The following RAD51B variants were observed in gnomAD, a reference collection of about 807,000 sequenced individuals.
RAD51B encodes the protein RAD51 paralog B, also known as DNA repair protein RAD51 homolog 2.
In RAD51B, 38 loss-of-function variants were observed where a neutral mutation model predicts 42.2. That is an observed-to-expected ratio of 0.90 (90% CI 0.70 to 1.18). The LOEUF (loss-of-function observed/expected upper bound fraction) is 1.18, where lower values mean the gene tolerates loss of function less well. Among genes scored for constraint, RAD51B ranks in the 50% most tolerant of loss-of-function variants. RAD51B has a pLI of 0.00. For missense variants in RAD51B, 373 were observed against 400.7 expected, an observed-to-expected ratio of 0.93 and a Z score of 0.59; for synonymous variants, 154 against 145.2, an observed-to-expected ratio of 1.06 and a Z score of -0.43.
chr14:67,882,247 A>G (rs1000911615), intron 5 of RAD51B, among the ~76,000 whole-genome samples: 2 of 152,168 alleles, frequency 1.3e-5, no homozygotes, highest in South Asian at 2.1e-4. Context: ...TGTTGGGATT[A>G]TAGGCATGAG....
chr14:68,592,113 G>C (rs2257000), intron 10 of RAD51B, among the ~76,000 whole-genome samples: 1 of 152,018 alleles, frequency 6.6e-6, no homozygotes, highest in African/African-American at 2.4e-5. Flanking sequence ...AGTATTAGGA[G>C]GGGGGGAATT....
chr14:68,124,229 G>A (rs543982163), intron 7 of RAD51B, among the ~76,000 whole-genome samples: 5 of 152,180 alleles, frequency 3.3e-5, no homozygotes, highest in Admixed American at 6.5e-5. Context: ...CCAACAGTGT[G>A]GGTTCAGCCT....
At chr14:68,087,443 A>T (rs1275866808) in intron 7 of RAD51B, among the ~76,000 whole-genome samples, 1 of 152,146 alleles carries the variant, frequency 6.6e-6, no homozygotes, top group Non-Finnish European at 1.5e-5. Flanking sequence ...ATCATGATTG[A>T]CTGGTCTATA....
At chr14:68,231,071 A>G (rs1315984) in intron 7 of RAD51B, among the ~76,000 whole-genome samples, 30,386 of 152,074 alleles carry the variant, frequency 0.2, 3,499 homozygotes, top group Middle Eastern at 0.37. Context: ...GGATATTTCT[A>G]CTTCTATCCG....
chr14:68,682,391 G>A (rs1032121111), intron 11 of RAD51B, among the ~76,000 whole-genome samples: 3 of 152,196 alleles, frequency 2.0e-5, no homozygotes, highest in Non-Finnish European at 2.9e-5. Context: ...CCAAGCTCGA[G>A]AGAGTCTCTC....
At chr14:67,890,174 A>T (rs2043175145) in intron 7 of RAD51B, among the ~76,000 whole-genome samples, 1 of 152,226 alleles carries the variant, frequency 6.6e-6, no homozygotes, top group Non-Finnish European at 1.5e-5. Flanking sequence ...CGTACAGAAT[A>T]GTTATTATAC....
chr14:68,356,375 C>T (rs1452992591), intron 8 of RAD51B, among the ~76,000 whole-genome samples: 1 of 142,000 alleles, frequency 7.0e-6, no homozygotes, highest in Non-Finnish European at 1.5e-5. Context: ...GCGGAGCTTG[C>T]AGTGAGCCGA....
intron 11 of RAD51B, among the ~76,000 whole-genome samples, chr14:68,651,827 G>A (rs1595047499): frequency 6.6e-6 from 1 of 152,262 alleles, no homozygotes; most frequent in South Asian, 2.1e-4. Context: ...TGCTGCTCAC[G>A]TAAGCCCTGA....
intron 3 of RAD51B, among the ~76,000 whole-genome samples, chr14:67,829,045 A>C (rs562069352): frequency 7.9e-5 from 12 of 152,164 alleles, no homozygotes; most frequent in Non-Finnish European, 8.8e-5. Flanking sequence ...TTTAATGGGA[A>C]TAGCATTGAA....
chr14:68,091,923 C>T (rs2077106445), intron 7 of RAD51B, among the ~76,000 whole-genome samples: 3 of 152,142 alleles, frequency 2.0e-5, no homozygotes, highest in Admixed American at 1.3e-4. Flanking sequence ...ATATAGCTAG[C>T]CAGTTTTCCC....
At chr14:67,974,454 C>T (rs1237388910) in intron 7 of RAD51B, among the ~76,000 whole-genome samples, 9 of 151,946 alleles carry the variant, frequency 5.9e-5, no homozygotes, top group Non-Finnish European at 2.9e-5. Flanking sequence ...ACTAAAGGTT[C>T]CTACTTTGGA....
intron 10 of RAD51B, among the ~76,000 whole-genome samples, chr14:68,515,006 C>T (rs766904660): frequency 2.0e-5 from 3 of 152,114 alleles, no homozygotes; most frequent in Non-Finnish European, 4.4e-5. Flanking sequence ...TGACCTAGCC[C>T]AGAAAACCTC....
chr14:67,880,310 A>G (rs1441137399), intron 5 of RAD51B, among the ~76,000 whole-genome samples: 2 of 152,214 alleles, frequency 1.3e-5, no homozygotes, highest in Non-Finnish European at 2.9e-5. Flanking sequence ...ACGTCTACCA[A>G]ATACTTAAGT....
intron 7 of RAD51B, among the ~76,000 whole-genome samples, chr14:68,163,315 A>G (rs531846316): frequency 1.2e-4 from 18 of 152,384 alleles, no homozygotes; most frequent in South Asian, 6.2e-4. Context: ...TGTATGCAGC[A>G]TGGAATTACA....
At chr14:68,363,499 G>T (rs2083073619) in intron 8 of RAD51B, among the ~76,000 whole-genome samples, 1 of 152,190 alleles carries the variant, frequency 6.6e-6, no homozygotes, top group East Asian at 1.9e-4. Context: ...CTCATCTCCA[G>T]GTGTGCAGGC....
chr14:68,058,902 C>T (rs2076522875), intron 7 of RAD51B, among the ~76,000 whole-genome samples: 1 of 152,108 alleles, frequency 6.6e-6, no homozygotes, highest in African/African-American at 2.4e-5. Flanking sequence ...CCAACACCTG[C>T]CAATTGAAGA....
At chr14:67,848,728 A>G (rs570733860) in intron 4 of RAD51B, among the ~76,000 whole-genome samples, 1 of 152,210 alleles carries the variant, frequency 6.6e-6, no homozygotes, top group Non-Finnish European at 1.5e-5. Flanking sequence ...TGTCGTTCTT[A>G]CCATTCCATG....
At chr14:68,654,233 C>A (rs578133328) in intron 11 of RAD51B, among the ~76,000 whole-genome samples, 1 of 152,216 alleles carries the variant, frequency 6.6e-6, no homozygotes, top group South Asian at 2.1e-4. Flanking sequence ...ATAAGCCCAG[C>A]GCTACAGAGC....
chr14:68,006,183 C>A (rs1349002771), intron 7 of RAD51B, among the ~76,000 whole-genome samples: 1 of 152,162 alleles, frequency 6.6e-6, no homozygotes, highest in Non-Finnish European at 1.5e-5. Context: ...TACCAAGTGC[C>A]TACTCAAGTT....
Sources: allele counts gnomAD v4.1 joint callset (sites outside exome capture counted in the v4.1 genomes callset), GRCh38; gene constraint gnomAD v4.1.1; transcripts MANE v1.5; gene names NCBI Gene and HGNC (gene_info 2026-07-23, HGNC 2026-07-21).